The following PSEN1 variants were observed in gnomAD, a reference collection of about 807,000 sequenced individuals.
PSEN1 encodes the protein presenilin-1.
In PSEN1, 15 loss-of-function variants were observed where a neutral mutation model predicts 53.5. The observed-to-expected ratio is 0.28, with a 90% CI of 0.19 to 0.43. PSEN1 has a LOEUF of 0.43. Ranked by LOEUF, PSEN1 falls within the 20% of genes least tolerant of loss-of-function variation. The pLI is 1.00. For missense variants in PSEN1, 387 were observed against 571.2 expected (o/e 0.68, Z 3.29); for synonymous variants, 208 against 209.8 (o/e 0.99, Z 0.08).
At chr14:73,197,870 CA>C in intron 7 of PSEN1, 160 bp from the exon 8 acceptor site, 1 of 618,148 alleles carries the variant, frequency 1.6e-6, no homozygotes, top group Non-Finnish European at 2.9e-6. Flanking sequence ...CCACCCCCAC[CA>C]GTTCACCTGC....
chr14:73,200,014 C>G (rs1440804817), intron 8 of PSEN1, among the ~76,000 whole-genome samples: 1 of 152,058 alleles, frequency 6.6e-6, no homozygotes, highest in East Asian at 1.9e-4. Context: ...CCCAAAATGC[C>G]AGGATTATAG....
chr14:73,156,822 C>G (rs1365591286), intron 3 of PSEN1, among the ~76,000 whole-genome samples: 1 of 151,950 alleles, frequency 6.6e-6, no homozygotes, highest in African/African-American at 2.4e-5. Flanking sequence ...GCCACCATGC[C>G]CAGCTAATTT....
chr14:73,212,184 C>T lies in PSEN1; in HGVS notation c.1129+242C>T, dbSNP rs565006875. 2.3e-5 allele frequency among the ~76,000 whole-genome samples: 3 copies of T among 131,614 alleles called. No homozygotes were observed. In the Admixed American group the frequency reaches 2.7e-4, roughly 12 times the overall value. 86.3% of individuals were successfully genotyped at this position (131,614 alleles called of 152,430 possible). A position where few individuals can be genotyped will look rare whatever the true frequency, so the allele number is the denominator to read the frequency against. On this transcript the variant is annotated intron_variant, in intron 10 of 11. Coordinates refer to ENST00000324501, the MANE Select transcript of PSEN1 (RefSeq NM_000021.4). ...GGAGTGCAATGGTGCGATCTTGGCT[C>T]ACTGCAAGCTCCACCTCCCGGGTTC...
At chr14:73,138,751 G>A (rs1247949931) in intron 1 of PSEN1, among the ~76,000 whole-genome samples, 1 of 148,748 alleles carries the variant, frequency 6.7e-6, no homozygotes, top group East Asian at 2.1e-4. Flanking sequence ...ATGAGGTCAG[G>A]AGATCGAGAC....
chr14:73,150,940 C>T (rs994815617), intron 3 of PSEN1, among the ~76,000 whole-genome samples: 7 of 151,652 alleles, frequency 4.6e-5, no homozygotes, highest in Non-Finnish European at 5.9e-5. Flanking sequence ...TGGTGACACG[C>T]GCCTGTAGTC....
chr14:73,208,119 T>A (rs1899528650), intron 9 of PSEN1, among the ~76,000 whole-genome samples: 1 of 152,226 alleles, frequency 6.6e-6, no homozygotes, highest in South Asian at 2.1e-4. Context: ...GTCATAGCCC[T>A]GGCTTAGGGA....
intron 3 of PSEN1, among the ~76,000 whole-genome samples, chr14:73,160,649 T>G (rs1489520416): frequency 6.6e-6 from 1 of 152,130 alleles, no homozygotes; most frequent in Non-Finnish European, 1.5e-5. Context: ...TGAGCATCTT[T>G]TCTTTTTTCC....
intron 3 of PSEN1, among the ~76,000 whole-genome samples, chr14:73,149,685 G>A (rs1456462254): frequency 6.6e-6 from 1 of 152,140 alleles, no homozygotes; most frequent in Non-Finnish European, 1.5e-5. Context: ...TTTAAAATTG[G>A]GACAGTCCTG....
At chr14:73,138,379 C>T (rs1308969753) in intron 1 of PSEN1, among the ~76,000 whole-genome samples, 7 of 150,968 alleles carry the variant, frequency 4.6e-5, no homozygotes, top group African/African-American at 1.5e-4. Flanking sequence ...CCACCACGCC[C>T]GGCTAATTTT....
chr14:73,188,174 G>T (rs1191744069), intron 6 of PSEN1, among the ~76,000 whole-genome samples: 1 of 150,730 alleles, frequency 6.6e-6, no homozygotes, highest in African/African-American at 2.5e-5. Context: ...TGATCCGCCC[G>T]CCTTGGCCTC....
chr14:73,165,306 A>T (rs545439814), intron 3 of PSEN1, among the ~76,000 whole-genome samples: 29 of 152,050 alleles, frequency 1.9e-4, no homozygotes, highest in African/African-American at 7.0e-4. Flanking sequence ...TTTTTTCCTT[A>T]AAGATGGTGT....
chr14:73,180,026 C>A (rs1898163295), intron 5 of PSEN1, among the ~76,000 whole-genome samples: 1 of 151,996 alleles, frequency 6.6e-6, no homozygotes, highest in South Asian at 2.1e-4. Flanking sequence ...AGTCTCTCGC[C>A]CAGGCTGGAG....
chr14:73,190,174 A>C (rs1168387220), intron 6 of PSEN1, among the ~76,000 whole-genome samples: 1 of 152,222 alleles, frequency 6.6e-6, no homozygotes, highest in Non-Finnish European at 1.5e-5. Flanking sequence ...GGGGTAAAAA[A>C]GATAATATGC....
chr14:73,140,272 A>G (rs1423813386), intron 1 of PSEN1, among the ~76,000 whole-genome samples: 4 of 129,230 alleles, frequency 3.1e-5, no homozygotes, highest in Non-Finnish European at 6.2e-5. Context: ...GTGCAGTGGC[A>G]CAATCTCAGC....
chr14:73,185,557 T>C (rs1296671485), intron 5 of PSEN1, among the ~76,000 whole-genome samples: 4 of 152,062 alleles, frequency 2.6e-5, no homozygotes, highest in Non-Finnish European at 5.9e-5. Context: ...ACAGTCCAGC[T>C]TCGGCTCAGC....
chr14:73,150,807 C>T (rs1405398663), intron 3 of PSEN1, among the ~76,000 whole-genome samples: 1 of 145,048 alleles, frequency 6.9e-6, no homozygotes, highest in Admixed American at 7.1e-5. Context: ...CGGTGGCTCA[C>T]GCCTGTAATC....
Position 73,170,919 on chromosome 14 carries a change from TGAG to T in PSEN1, c.214_216del (p.Glu72del), listed in dbSNP as rs1566629383. On this transcript the variant is annotated inframe_deletion, in exon 4 of 12. Transcript: ENST00000324501. ...TGGTGGAGCAAGATGAGGAAGAAGA[TGAG>T]GAGCTGACATTGAAATATGGCGCCA... is the stretch of plus-strand genomic sequence containing the variant. 6.2e-7 allele frequency: 1 copy of T among 1,614,192 alleles called. No homozygotes were observed. The highest frequency in any genetic ancestry group is 8.5e-7 in the Non-Finnish European group (1 of 1,180,040).
At position 73,165,786 on chromosome 14, in the gene PSEN1, G is replaced by T. The variant is rs576127513; in HGVS notation, c.88-5011G>T. 6.5e-4 allele frequency among the ~76,000 whole-genome samples: 94 copies of T among 145,146 alleles called. 2 individuals are homozygous for T. The South Asian group carries it at 0.017, about 26-fold the overall frequency. On this transcript the variant is annotated intron_variant, in intron 3 of 11. Coordinates refer to ENST00000324501, the MANE Select transcript of PSEN1 (RefSeq NM_000021.4). ...AAAAAGGTAGTGTGTGGCCGGGCGC[G>T]GTGGCTCACGCCTGTAATCCCAGCA...
intron 9 of PSEN1, among the ~76,000 whole-genome samples, chr14:73,210,841 T>C (rs1256346315): frequency 1.3e-5 from 2 of 152,174 alleles, no homozygotes; most frequent in East Asian, 3.8e-4. Context: ...TTATAAAAAA[T>C]GAAGGAAGAA....
Sources: gnomAD v4.1 joint callset for allele counts (sites outside exome capture counted in the v4.1 genomes callset) on GRCh38, gnomAD v4.1.1 for gene constraint, MANE v1.5 for transcripts, NCBI Gene and HGNC (gene_info 2026-07-23, HGNC 2026-07-21) for gene names.